The following TTN variants were observed in gnomAD, a reference collection of about 807,000 sequenced individuals.
TTN encodes titin.
Under a neutral mutation model 3,223.0 loss-of-function variants are expected in TTN, and 1,525 were observed. The observed-to-expected ratio is 0.47, with a 90% CI of 0.45 to 0.49. TTN has a LOEUF of 0.49. TTN is among the 20% of genes least tolerant of loss of function. The pLI is 0.00. For missense variants in TTN, 40,786 were observed against 43,424.0 expected (o/e 0.94, Z 5.40); for synonymous variants, 14,094 against 15,161.0 (o/e 0.93, Z 5.17).
chr2:178,643,330 T>G (rs774742028), intron 218 of TTN, among the ~76,000 whole-genome samples: 1 of 151,954 alleles, frequency 6.6e-6, no homozygotes, highest in Non-Finnish European at 1.5e-5. Flanking sequence ...AAACCTACAA[T>G]AGGCAAATAT....
rs150548328 is a variant in TTN, at chr2:178,802,226, G to A, written c.207C>T (p.Ala69=). The stretch of plus-strand genomic sequence containing the variant: ...ATCGTCCACTGTTGGCTTTAGTCAC[G>A]GCGGGGATCGTCAGTTTAGCGCGGC... ...SDGRAKLTIP[A]VTKANSGRYS... Residue 69 remains alanine, a synonymous_variant, in exon 3 of 363, where the codon GCC becomes GCT. Coordinates refer to ENST00000589042, the MANE Select transcript of TTN (RefSeq NM_001267550.2). 45 of 1,614,118 alleles carry A rather than the reference G, an allele frequency of 2.8e-5. 1 individual carries two copies. The African/African-American group carries it at 2.8e-4, about 10-fold the overall frequency.
intron 294 of TTN, among the ~76,000 whole-genome samples, chr2:178,596,900 C>G (rs1228481979): frequency 2.6e-5 from 4 of 152,012 alleles, no homozygotes; most frequent in Non-Finnish European, 5.9e-5. Context: ...GAGTTCAACT[C>G]TATATTCAGT....
chr2:178,684,311 A>G lies in TTN; in HGVS notation c.32722+19T>C. 1 of 1,611,542 alleles carries G rather than the reference A, an allele frequency of 6.2e-7. No individual in the cohort carries two copies. Among genetic ancestry groups the G allele is most frequent in the Non-Finnish European group, 8.5e-7 (1 of 1,178,720 alleles). ...GTAGGGCAAGTACAATATTGTGCATAATGGAAGGGCGGATGTACCTCTTGC... is the reference window on the plus strand; with the variant it reads ...GTAGGGCAAGTACAATATTGTGCATGATGGAAGGGCGGATGTACCTCTTGC... On this transcript the variant is annotated intron_variant, in intron 132 of 362. Coordinates refer to ENST00000589042, the MANE Select transcript of TTN (RefSeq NM_001267550.2).
Position 178,724,038 on chromosome 2 carries a change from G to A in TTN, c.21221C>T (p.Ser7074Leu), listed in dbSNP as rs1456194529. ...GGTTTTCTCATGAAACCAGGCAACT[G>A]AAATAGGTGATGATCCAGCTACTTT... The part of the protein sequence containing the change: ...ECKVAGSSPI[S>L]VAWFHEKTKI... The change falls in exon 73 of 363, where the codon TCA becomes TTA. Residue 7074 changes from serine to leucine, a missense_variant. Transcript: ENST00000589042. 1 of 1,613,424 alleles carries A rather than the reference G, an allele frequency of 6.2e-7. No homozygotes were observed. Among genetic ancestry groups the A allele is most frequent in the African/African-American group, 1.3e-5 (1 of 74,920 alleles).
rs1226541281 is a variant in TTN at position 178,590,734 on chromosome 2, T to C, written c.60991A>G (p.Arg20331Gly). 6.2e-7 allele frequency: 1 copy of C among 1,612,202 alleles called. No individual in the cohort carries two copies. The highest frequency in any genetic ancestry group is 2.2e-5 in the East Asian group (1 of 44,756). Residue 20331 changes from arginine to glycine, a missense_variant, in exon 304 of 363, where the codon AGA becomes GGA. Arg to Gly is a moderately radical substitution (Grantham distance 125). Coordinates refer to ENST00000589042, the MANE Select transcript of TTN (RefSeq NM_001267550.2). ...TTTCCTTCATAGAGTCCAGTCACTCTGAACTTCAGGTCAGCGATAGGTGTT... is the reference window on the plus strand; with the variant it reads ...TTTCCTTCATAGAGTCCAGTCACTCCGAACTTCAGGTCAGCGATAGGTGTT... ...NKTPIADLKFRVTGLYEGNTY... is the reference protein window; with the variant it reads ...NKTPIADLKFGVTGLYEGNTY...
rs1303325782 is a variant in TTN, at chr2:178,652,736, A to ACTT, written c.38960-3_38960-1dup (p.Lys12986_Val12987insGlu). 2.5e-6 allele frequency: 4 copies of ACTT among 1,612,576 alleles called. No homozygotes were observed. Among genetic ancestry groups the ACTT allele is most frequent in the Non-Finnish European group, 3.4e-6 (4 of 1,179,358 alleles). ...AACAACCTCTTTGGGAGCCTCTGGT[A>ACTT]CTTAAAAGATATTAGTGAAATTACA... On this transcript the variant is annotated inframe_insertion and splice_region_variant. Transcript: ENST00000589042.
chr2:178,567,153 G>A lies in TTN; in HGVS notation c.78979C>T (p.Arg26327Ter), dbSNP rs1419374180. 1.9e-6 allele frequency: 3 copies of A among 1,613,322 alleles called. No homozygotes were observed. Among genetic ancestry groups the A allele is most frequent in the South Asian group, 1.1e-5 (1 of 91,070 alleles). Residue 26327 changes from arginine (R) to a stop codon, truncating the protein, a stop_gained, in exon 326 of 363, where the codon CGA becomes TGA. Transcript: ENST00000589042. LOFTEE classifies it high-confidence loss of function. ...GTCCAGGCAAGTCGACTGGTTTCTC[G>A]CTTTTCAACAACATAGTGAGAAATG... Reference protein sequence around the residue: ...SDISHYVVEKRETSRLAWTVV... With the variant: ...SDISHYVVEK
chr2:178,575,296 C>T lies in TTN; in HGVS notation c.70836G>A (p.Gly23612=). ...GTCTGCTTTCTCTAGGGGCACTTCT[C>T]CCCGCGCTGTTCACTGCCATCACTT... is the stretch of plus-strand genomic sequence containing the variant. The part of the protein sequence containing the change: ...TFQVMAVNSA[G]RSAPRESRPV... Residue 23612 remains glycine (G), a synonymous_variant, in exon 326 of 363, where the codon GGG becomes GGA. Transcript: ENST00000589042. This position sits in a 1 kb window ranked among gnomAD's most constrained non-coding sequence, Gnocchi z 4.0. The T allele has an allele frequency of 6.2e-7, 1 of 1,613,426 alleles. No individual in the cohort carries two copies. Among genetic ancestry groups the T allele is most frequent in the Non-Finnish European group, 8.5e-7 (1 of 1,179,634 alleles).
rs375417679 is a variant in TTN at position 178,727,647 on chromosome 2, T to C, written c.19931A>G (p.Tyr6644Cys). The change falls in exon 68 of 363, where the codon TAT becomes TGT. Residue 6644 changes from tyrosine to cysteine, a missense_variant. Physicochemically the swap from Tyr to Cys is radical, Grantham distance 194. Transcript: ENST00000589042. ...YSVDASKTGQ[Y>C]TCHVTNDVGS... ...AACATCATTGGTAACATGGCAAGTA[T>C]ACTGTCCAGTCTTAGAAGCATCCAC... The C allele has an allele frequency of 1.9e-6, 3 of 1,610,600 alleles. No individual in the cohort carries two copies. In the Admixed American group the frequency reaches 5.0e-5, roughly 27 times the overall value.
At chr2:178,640,195 T>C in intron 221 of TTN, 85 bp from the exon 222 acceptor site, 1 of 1,217,696 alleles carries the variant, frequency 8.2e-7, no homozygotes, top group South Asian at 1.4e-5. Flanking sequence ...AGCCCACGTA[T>C]CTTGGAAGAT....
In TTN at chr2:178,561,369, G is replaced by A. The variant is rs1703599575; in HGVS notation, c.84763C>T (p.Pro28255Ser). The change falls in exon 326 of 363, where the codon CCT becomes TCT. Residue 28255 changes from proline (P) to serine (S), a missense_variant. Coordinates refer to ENST00000589042, the MANE Select transcript of TTN (RefSeq NM_001267550.2). ...EPVPARDPCD[P>S]PGQPEVTNIT... ...TTTGTGACTTCAGGTTGTCCAGGAG[G>A]GTCACAAGGATCTCTTGCAGGGACT... is the stretch of plus-strand genomic sequence containing the variant. The A allele has an allele frequency of 6.2e-7, 1 of 1,613,530 alleles. No homozygotes were observed. Among genetic ancestry groups the A allele is most frequent in the Admixed American group, 1.7e-5 (1 of 59,954 alleles).
rs142028110 is a variant in TTN, at chr2:178,802,300, C to G, written c.133G>C (p.Val45Leu). The change falls in exon 3 of 363, where the codon GTG (valine) becomes CTG (leucine). Residue 45 changes from valine to leucine, a missense_variant. Val to Leu is a conservative substitution (Grantham distance 32, BLOSUM62 1). Transcript: ENST00000589042. ...PEVSWFRDGQ[V>L]ISTSTLPGVQ... ...CCGGGCAGAGTGGAAGTGGAAATCA[C>G]CTGGCCATCCCTAAACCAGCTCACC... The G allele has an allele frequency of 1.5e-5, 25 of 1,614,004 alleles. No individual in the cohort carries two copies. In the African/African-American group the frequency reaches 2.7e-4, roughly 17 times the overall value.
chr2:178,667,248 G>A lies in TTN; in HGVS notation c.35785C>T (p.Pro11929Ser). Residue 11929 changes from proline to serine, a missense_variant, in exon 162 of 363, where the codon CCT (proline) becomes TCT (serine). Transcript: ENST00000589042. ...PEAIPEIPEH[P>S]PTEEFEVFKE... is the part of the protein sequence containing the mutation. ...TAGAGAATTATACCTTCAGTTGGAG[G>A]ATGTTCTGGAATTTCAGGAATAGCC... The A allele has an allele frequency of 6.2e-7, 1 of 1,601,480 alleles. No homozygotes were observed. Among genetic ancestry groups the A allele is most frequent in the Non-Finnish European group, 8.5e-7 (1 of 1,173,818 alleles).
intron 243 of TTN, 69 bp from the exon 244 acceptor site, chr2:178,622,077 T>G: frequency 6.9e-7 from 1 of 1,439,222 alleles, no homozygotes. Context: ...TAAGAAAAAC[T>G]ATGATCCTGA....
Position 178,671,143 on chromosome 2 carries a change from G to T in TTN, c.35255C>A (p.Pro11752His). 6.2e-7 allele frequency: 1 copy of T among 1,603,252 alleles called. No individual in the cohort carries two copies. The highest frequency in any genetic ancestry group is 2.3e-5 in the East Asian group (1 of 44,178). ...AACTTTAGTGGGCGGTTTTTTTGGA[G>T]GGATGATTTTCTCAGATATCTCAGG... The part of the protein sequence containing the change: ...KGPEISEKII[P>H]PKKPPTKVVP... Residue 11752 changes from proline (P) to histidine (H), a missense_variant, in exon 156 of 363, where the codon CCT becomes CAT. Transcript: ENST00000589042.
chr2:178,633,506 T>C lies in TTN; in HGVS notation c.42853A>G (p.Ile14285Val), dbSNP rs771436214. The C allele has an allele frequency of 1.9e-6, 3 of 1,613,360 alleles. No individual in the cohort carries two copies. The Admixed American group carries it at 5.0e-5, about 27-fold the overall frequency. ...YSIKADGLRR[I>V]LKIKKADLKD... ...AGGTCCGCCTTTTTGATTTTTAAGA[T>C]GCGGCGCAGGCCATCTGCCTTGATA... is the stretch of plus-strand genomic sequence containing the variant. The change falls in exon 232 of 363, where the codon ATC (isoleucine) becomes GTC (valine). Residue 14285 changes from isoleucine (I) to valine (V), a missense_variant. Ile to Val is a conservative substitution (Grantham distance 29). Coordinates refer to ENST00000589042, the MANE Select transcript of TTN (RefSeq NM_001267550.2).
Position 178,531,483 on chromosome 2 carries a change from T to G in TTN, c.105132A>C (p.Arg35044Ser). ...GDYTTYASQRRDEEVPRSVFP... is the reference protein window; with the variant it reads ...GDYTTYASQRSDEEVPRSVFP... ...AAACAGATCTGGGGACCTCTTCATC[T>G]CTGCGTTGGGAAGCATAGGTGGTAT... The change falls in exon 358 of 363, where the codon AGA (arginine) becomes AGC (serine). Residue 35044 changes from arginine (R) to serine (S), a missense_variant. Physicochemically the swap from Arg to Ser is moderately radical, Grantham distance 110. Transcript: ENST00000589042. The G allele has an allele frequency of 6.2e-7, 1 of 1,613,948 alleles. No homozygotes were observed. The highest frequency in any genetic ancestry group is 8.5e-7 in the Non-Finnish European group (1 of 1,179,886).
At chr2:178,684,164 A>G in intron 132 of TTN, 82 bp from the exon 133 acceptor site, 3 of 1,462,740 alleles carry the variant, frequency 2.1e-6, no homozygotes, top group Non-Finnish European at 2.8e-6. Flanking sequence ...TAGCCCAAAC[A>G]TAAACACTTG....
At position 178,723,492 on chromosome 2, in the gene TTN, T is replaced by C; in HGVS notation, c.21608A>G (p.Gln7203Arg). Residue 7203 changes from glutamine to arginine, a missense_variant, in exon 74 of 363, where the codon CAG becomes CGG. Transcript: ENST00000589042. Reference sequence around the variant, plus strand: ...AACCACACAGGTGTATTCCCCACTCTGAGATATGTCAATATTAAATAATTC... The same window carrying C: ...AACCACACAGGTGTATTCCCCACTCCGAGATATGTCAATATTAAATAATTC... Reference protein sequence around the residue: ...ELELFNIDISQSGEYTCVVSN... With the variant: ...ELELFNIDISRSGEYTCVVSN... The C allele has an allele frequency of 6.2e-7, 1 of 1,611,584 alleles. No homozygotes were observed. The highest frequency in any genetic ancestry group is 8.5e-7 in the Non-Finnish European group (1 of 1,177,948).
Sources: gnomAD v4.1 joint callset for allele counts (sites outside exome capture counted in the v4.1 genomes callset) on GRCh38, gnomAD v4.1.1 for gene constraint, Gnocchi (gnomAD v3.1) non-coding constraint, MANE v1.5 for transcripts, NCBI Gene and HGNC (gene_info 2026-07-23, HGNC 2026-07-21) for gene names.